PPP1R14C: variants seen among roughly 807,000 people sequenced by gnomAD.
PPP1R14C encodes protein phosphatase 1 regulatory inhibitor subunit 14C, also known as protein phosphatase 1 regulatory subunit 14C.
In PPP1R14C, 16 loss-of-function variants were observed where a neutral mutation model predicts 20.4. The observed-to-expected ratio is 0.78, with a 90% confidence interval of 0.53 to 1.19. PPP1R14C has a LOEUF of 1.19. PPP1R14C is among the 50% of genes most tolerant of loss of function. The probability of loss-of-function intolerance (pLI) is 0.00; values close to 1 mark genes in which losing one functional copy is unlikely to be tolerated. For missense variants in PPP1R14C, 211 were observed against 220.1 expected (o/e 0.96, Z 0.26); for synonymous variants, 91 against 91.0 (o/e 1.00, Z 0.00).
intron 1 of PPP1R14C, among the ~76,000 whole-genome samples, chr6:150,154,019 T>A (rs1279682294): frequency 1.3e-5 from 2 of 152,170 alleles, no homozygotes; most frequent in South Asian, 4.1e-4. Context: ...GAGGAGACCA[T>A]ATGATTGAAA....
intron 1 of PPP1R14C, among the ~76,000 whole-genome samples, chr6:150,206,434 G>A (rs1015311039): frequency 6.6e-6 from 1 of 152,150 alleles, no homozygotes; most frequent in East Asian, 1.9e-4. Flanking sequence ...TGCTGCAGGG[G>A]TTTGCCTGGT....
At chr6:150,186,177 C>T (rs747866459) in intron 1 of PPP1R14C, among the ~76,000 whole-genome samples, 2 of 152,104 alleles carry the variant, frequency 1.3e-5, no homozygotes, top group Non-Finnish European at 2.9e-5. Context: ...CCCTCAGTTC[C>T]GATAATTAAT....
At chr6:150,154,229 T>G (rs1777281085) in intron 1 of PPP1R14C, among the ~76,000 whole-genome samples, 1 of 152,226 alleles carries the variant, frequency 6.6e-6, no homozygotes, top group Non-Finnish European at 1.5e-5. Context: ...AGATCTTAAG[T>G]AAGAGAAAGT....
intron 3 of PPP1R14C, among the ~76,000 whole-genome samples, chr6:150,219,007 T>C (rs1006883848): frequency 6.6e-6 from 1 of 151,860 alleles, no homozygotes; most frequent in African/African-American, 2.4e-5. Context: ...ATTTATTGAC[T>C]TTAGGAGAAA....
At chr6:150,241,961 A>C (rs1458564793) in intron 3 of PPP1R14C, among the ~76,000 whole-genome samples, 1 of 152,170 alleles carries the variant, frequency 6.6e-6, no homozygotes, top group South Asian at 2.1e-4. Context: ...GAATTACTTG[A>C]TATGTGGGGA....
chr6:150,158,009 C>G (rs924593040), intron 1 of PPP1R14C, among the ~76,000 whole-genome samples: 3 of 152,230 alleles, frequency 2.0e-5, no homozygotes, highest in South Asian at 4.1e-4. Context: ...GCTGGGGGAG[C>G]TGGCTTGGTC....
chr6:150,213,794 C>T (rs1778056573), intron 1 of PPP1R14C, among the ~76,000 whole-genome samples: 1 of 152,348 alleles, frequency 6.6e-6, no homozygotes, highest in African/African-American at 2.4e-5. Context: ...TCTGGCCCTT[C>T]TTCCCTCTTT....
At chr6:150,149,325 A>G (rs12203241) in intron 1 of PPP1R14C, among the ~76,000 whole-genome samples, 35 of 106,876 alleles carry the variant, frequency 3.3e-4, no homozygotes, top group African/African-American at 1.2e-3. Context: ...GTGTGTGTGT[A>G]TGTGTGTGTA....
At chr6:150,183,859 A>G (rs555201614) in intron 1 of PPP1R14C, among the ~76,000 whole-genome samples, 2 of 152,356 alleles carry the variant, frequency 1.3e-5, no homozygotes, top group Admixed American at 6.5e-5. Context: ...TCAGTGGTTT[A>G]TATAGAATCT....
intron 1 of PPP1R14C, among the ~76,000 whole-genome samples, chr6:150,152,676 C>T (rs868210949): frequency 6.6e-6 from 1 of 152,174 alleles, no homozygotes; most frequent in African/African-American, 2.4e-5. Context: ...TCTGATCCAT[C>T]TCCTGCTGTC....
intron 1 of PPP1R14C, among the ~76,000 whole-genome samples, chr6:150,208,228 G>A (rs1777978513): frequency 6.6e-6 from 1 of 152,146 alleles, no homozygotes; most frequent in Non-Finnish European, 1.5e-5. Flanking sequence ...GAGGATGTAG[G>A]CCTTGAGGGT....
intron 1 of PPP1R14C, among the ~76,000 whole-genome samples, chr6:150,165,248 G>A (rs1777410797): frequency 6.6e-6 from 1 of 152,340 alleles, no homozygotes; most frequent in South Asian, 2.1e-4. Context: ...TGGCCCCTGT[G>A]CTGTAAATAT....
rs1346834368 is a variant in PPP1R14C at position 150,163,987 on chromosome 6, G to A, written c.306+20489G>A. 4.6e-5 allele frequency among the ~76,000 whole-genome samples: 7 copies of A among 152,162 alleles called. No homozygotes were observed. In the East Asian group the frequency reaches 1.3e-3, roughly 29 times the overall value. On this transcript the variant is annotated intron_variant, in intron 1 of 3. Transcript: ENST00000361131. ...CTTAAGTAATTGCACCAATCTACATGCCCACTGCACTATATGAAAGTTCTG... is the reference window on the plus strand; with the variant it reads ...CTTAAGTAATTGCACCAATCTACATACCCACTGCACTATATGAAAGTTCTG...
intron 1 of PPP1R14C, among the ~76,000 whole-genome samples, chr6:150,198,640 A>G (rs964372607): frequency 2.6e-5 from 4 of 152,226 alleles, no homozygotes; most frequent in African/African-American, 9.7e-5. Context: ...GACCTCAGCA[A>G]TGCCATCTGT....
At chr6:150,215,993 G>T (rs531416620) in intron 2 of PPP1R14C, among the ~76,000 whole-genome samples, 4 of 152,268 alleles carry the variant, frequency 2.6e-5, no homozygotes. Context: ...TTGACCAGAG[G>T]AGTGGGTTTG....
At chr6:150,215,353 TC>T (rs1453148462) in intron 2 of PPP1R14C, among the ~76,000 whole-genome samples, 1 of 152,246 alleles carries the variant, frequency 6.6e-6, no homozygotes, top group Non-Finnish European at 1.5e-5. Context: ...GTCTAGTATT[TC>T]CTTAGTGGAC....
intron 1 of PPP1R14C, among the ~76,000 whole-genome samples, chr6:150,189,216 T>A (rs947200237): frequency 7.0e-6 from 1 of 142,560 alleles, no homozygotes; most frequent in South Asian, 2.2e-4. Flanking sequence ...TTCTTGTAAG[T>A]TCTTTTTTCT....
chr6:150,176,254 A>T (rs1257397638), intron 1 of PPP1R14C, among the ~76,000 whole-genome samples: 2 of 152,190 alleles, frequency 1.3e-5, no homozygotes, highest in Admixed American at 1.3e-4. Flanking sequence ...CCCTGGAAGG[A>T]TTCCCATCTT....
chr6:150,226,465 G>T (rs9479978), intron 3 of PPP1R14C, among the ~76,000 whole-genome samples: 14,996 of 152,134 alleles, frequency 0.099, 1,260 homozygotes, highest in African/African-American at 0.23. Context: ...AGGAGGAGCT[G>T]CTTCTCCTTT....
Sources: allele counts gnomAD v4.1 joint callset (sites outside exome capture counted in the v4.1 genomes callset), GRCh38; gene constraint gnomAD v4.1.1; transcripts MANE v1.5; gene names NCBI Gene and HGNC (gene_info 2026-07-23, HGNC 2026-07-21).